ENTPD3: variants seen among roughly 807,000 people sequenced by gnomAD.
ENTPD3 encodes CD39 antigen-like 3.
A neutral mutation model predicts 51.2 loss-of-function variants in ENTPD3; 60 were observed. The ratio of observed to expected loss-of-function variants is 1.17; its 90% CI spans 0.95 to 1.45. ENTPD3 has a LOEUF of 1.45. Among genes scored for constraint, ENTPD3 ranks in the 40% most tolerant of loss-of-function variants. The pLI is 0.00. For missense variants in ENTPD3, 593 were observed against 641.1 expected, an observed-to-expected ratio of 0.93 and a Z score of 0.81; for synonymous variants, 221 against 238.4, an observed-to-expected ratio of 0.93 and a Z score of 0.67.
At chr3:40,424,264 G>A (rs141432359) in intron 10 of ENTPD3, 2 of 601,668 alleles carry the variant, frequency 3.3e-6, no homozygotes, top group East Asian at 2.8e-4. Flanking sequence ...AAGGAATAGA[G>A]CCTAGAAGGT....
chr3:40,412,272 A>C lies in ENTPD3; in HGVS notation c.437+310A>C, dbSNP rs965428433. On this transcript the variant is annotated intron_variant, in intron 5 of 10. Transcript: ENST00000301825. ...AGTTCTTTGAAAAGTAGTTGTTTTG[A>C]CAGTTGGCATTTGACACCTGTGAAC... Among the ~76,000 whole-genome samples, 2 of 152,168 alleles carry C rather than the reference A, an allele frequency of 1.3e-5. 1 individual carries two copies. The highest frequency in any genetic ancestry group is 1.3e-4 in the Admixed American group (2 of 15,282).
intron 7 of ENTPD3, among the ~76,000 whole-genome samples, chr3:40,417,795 G>T (rs1017300846): frequency 2.6e-5 from 4 of 152,166 alleles, no homozygotes; most frequent in Non-Finnish European, 4.4e-5. Flanking sequence ...CTTTTCTCCA[G>T]CTCCTTTTAC....
chr3:40,427,388 C>G lies in ENTPD3; in HGVS notation c.1470C>G (p.Thr490=), dbSNP rs1209495308. 1 of 1,613,918 alleles carries G rather than the reference C, an allele frequency of 6.2e-7. No homozygotes were observed. Among genetic ancestry groups the G allele is most frequent in the South Asian group, 1.1e-5 (1 of 91,074 alleles). The change falls in exon 11 of 11, where the codon ACC becomes ACG. Residue 490 remains threonine, a synonymous_variant. Coordinates refer to ENST00000301825, the MANE Select transcript of ENTPD3 (RefSeq NM_001248.4). ...TAGAACCACCTGTCTTTGTGGGCACCCTCGCTTTCTTCACAGCGGCAGCCT... is the reference window on the plus strand; with the variant it reads ...TAGAACCACCTGTCTTTGTGGGCACGCTCGCTTTCTTCACAGCGGCAGCCT... ...LPIEPPVFVG[T]LAFFTAAALL... is the part of the protein sequence containing the mutation.
chr3:40,400,777 C>T (rs1955335043), intron 3 of ENTPD3, 117 bp from the exon 4 acceptor site: 2 of 700,770 alleles, frequency 2.9e-6, no homozygotes, highest in Non-Finnish European at 4.9e-6. Context: ...ATTGATTAGC[C>T]CTTCCCTAAG....
intron 4 of ENTPD3, among the ~76,000 whole-genome samples, chr3:40,408,303 T>A (rs898045518): frequency 3.3e-5 from 5 of 152,220 alleles, no homozygotes; most frequent in East Asian, 1.9e-4. Flanking sequence ...TGGTTATATT[T>A]TTCAGAGTTC....
At position 40,415,938 on chromosome 3, in the gene ENTPD3, A is replaced by G; in HGVS notation, c.696A>G (p.Gly232=). The part of the protein sequence containing the change: ...GASTQISFVA[G]EKMDLNTSDI... Reference sequence around the variant, plus strand: ...CCACCCAAATATCCTTCGTGGCAGGAGAGAAGATGGATCTGAACACCAGCG... The same window carrying G: ...CCACCCAAATATCCTTCGTGGCAGGGGAGAAGATGGATCTGAACACCAGCG... The change falls in exon 7 of 11, where the codon GGA becomes GGG. Residue 232 remains glycine (G), a synonymous_variant. Coordinates refer to ENST00000301825, the MANE Select transcript of ENTPD3 (RefSeq NM_001248.4). 6.2e-7 allele frequency: 1 copy of G among 1,614,122 alleles called. No individual in the cohort carries two copies. The highest frequency in any genetic ancestry group is 1.1e-5 in the South Asian group (1 of 91,074).
At chr3:40,416,965 G>C (rs1955762074) in intron 7 of ENTPD3, among the ~76,000 whole-genome samples, 1 of 150,680 alleles carries the variant, frequency 6.6e-6, no homozygotes, top group Non-Finnish European at 1.5e-5. Flanking sequence ...TCCTGCAGAG[G>C]AGTTGAAGGG....
At chr3:40,409,838 C>A (rs1222551786) in intron 4 of ENTPD3, among the ~76,000 whole-genome samples, 1 of 152,100 alleles carries the variant, frequency 6.6e-6, no homozygotes, top group East Asian at 1.9e-4. Flanking sequence ...TATTTATATA[C>A]TGCTATGGAG....
chr3:40,414,978 C>T (rs1955713087), intron 6 of ENTPD3, 138 bp downstream of exon 6: 1 of 856,912 alleles, frequency 1.2e-6, no homozygotes, highest in Non-Finnish European at 1.9e-6. Flanking sequence ...AGGGAAATAC[C>T]TATGAGACAA....
chr3:40,409,637 G>A (rs982241513), intron 4 of ENTPD3, among the ~76,000 whole-genome samples: 1 of 152,206 alleles, frequency 6.6e-6, no homozygotes, highest in African/African-American at 2.4e-5. Flanking sequence ...GCAGCTGAAG[G>A]AGGCAGTGGC....
chr3:40,401,876 T>C (rs1357612201), intron 4 of ENTPD3, among the ~76,000 whole-genome samples: 1 of 152,208 alleles, frequency 6.6e-6, no homozygotes, highest in African/African-American at 2.4e-5. Context: ...TGATCCGCCA[T>C]GCAGCTCCCT....
chr3:40,414,778 G>A lies in ENTPD3; in HGVS notation c.535G>A (p.Gly179Arg), dbSNP rs1315105235. 2 of 1,613,874 alleles carry A rather than the reference G, an allele frequency of 1.2e-6. No homozygotes were observed. The highest frequency in any genetic ancestry group is 1.3e-5 in the African/African-American group (1 of 74,892). ...FDFRGAQIIS[G>R]QEEGVYGWIT... ...CTTTAGGGGTGCTCAAATCATTTCT[G>A]GGCAAGAAGAAGGGGTATATGGATG... Residue 179 changes from glycine (G) to arginine (R), a missense_variant, in exon 6 of 11, where the codon GGG becomes AGG. Physicochemically the swap from Gly to Arg is moderately radical, Grantham distance 125. Transcript: ENST00000301825.
At chr3:40,401,521 G>C (rs1381922000) in intron 4 of ENTPD3, among the ~76,000 whole-genome samples, 7 of 152,180 alleles carry the variant, frequency 4.6e-5, no homozygotes, top group Non-Finnish European at 7.3e-5. Flanking sequence ...GAGCATGCCT[G>C]CCTTTTGCTG....
Position 40,414,682 on chromosome 3 carries a change from T to C in ENTPD3, c.439T>C (p.Leu147=), listed in dbSNP as rs1390000925. ...TTGTTTGTTCTGTGCCTTGTACAGG[T>C]TGCAAAATGAAACAGCAGCTAATGA... ...GATAGMRLLR[L]QNETAANEVL... Residue 147 remains leucine (L), a splice_region_variant and synonymous_variant, in exon 6 of 11, where the codon TTG becomes CTG. Transcript: ENST00000301825. 2 of 1,613,986 alleles carry C rather than the reference T, an allele frequency of 1.2e-6. No homozygotes were observed. Among genetic ancestry groups the C allele is most frequent in the South Asian group, 1.1e-5 (1 of 91,068 alleles).
intron 4 of ENTPD3, among the ~76,000 whole-genome samples, chr3:40,404,549 C>A (rs1955447864): frequency 6.6e-6 from 1 of 151,970 alleles, no homozygotes; most frequent in African/African-American, 2.4e-5. Flanking sequence ...GTTCCTTGGC[C>A]CACCCTGGAT....
chr3:40,426,884 C>T (rs955613440), intron 10 of ENTPD3, among the ~76,000 whole-genome samples: 1 of 152,190 alleles, frequency 6.6e-6, no homozygotes, highest in Non-Finnish European at 1.5e-5. Context: ...TGACAGTCAG[C>T]TTCCCATTTG....
intron 3 of ENTPD3, chr3:40,394,352 C>G: frequency 3.2e-6 from 1 of 310,726 alleles, no homozygotes; most frequent in Non-Finnish European, 6.6e-6. Context: ...GAACTCCTGA[C>G]CTCAGGTGAT....
chr3:40,399,676 A>T (rs1955296157), intron 3 of ENTPD3: 1 of 152,170 alleles, frequency 6.6e-6, no homozygotes, highest in South Asian at 2.1e-4. Context: ...CTAATTCCAA[A>T]TTCTATAGGC....
chr3:40,414,602 T>C (rs1479336622), intron 5 of ENTPD3, 79 bp from the exon 6 acceptor site: 5 of 1,494,740 alleles, frequency 3.3e-6, no homozygotes, highest in Non-Finnish European at 4.6e-6. Context: ...GAAGTTTGCA[T>C]TTTCACCTGA....
Sources: gnomAD v4.1 joint callset for allele counts (sites outside exome capture counted in the v4.1 genomes callset) on GRCh38, gnomAD v4.1.1 for gene constraint, MANE v1.5 for transcripts, NCBI Gene and HGNC (gene_info 2026-07-23, HGNC 2026-07-21) for gene names.